Variants in OSBPL5 observed in about 807,000 individuals in gnomAD.
OSBPL5 encodes oxysterol-binding protein-related protein 5.
Under a neutral mutation model 111.2 loss-of-function variants are expected in OSBPL5, and 71 were observed. That is an observed-to-expected ratio of 0.64 (90% CI 0.53 to 0.78). The LOEUF is 0.78. Ranked by LOEUF, OSBPL5 falls within the 30% of genes least tolerant of loss-of-function variation. The probability of loss-of-function intolerance (pLI) is 0.00; values close to 1 mark genes in which losing one functional copy is unlikely to be tolerated. For missense variants in OSBPL5, 1,210 were observed against 1,189.3 expected (o/e 1.02, Z -0.26); for synonymous variants, 549 against 513.9 (o/e 1.07, Z -0.93).
chr11:3,122,015 G>A lies in OSBPL5; in HGVS notation c.384C>T (p.Ile128=). The change falls in exon 5 of 22, where the codon ATC becomes ATT. Residue 128 remains isoleucine (I), a synonymous_variant. Transcript: ENST00000263650. ...LSALTDPSVV[I]MADSLKIRGT... ...CACCTACCTTCAGGCTGTCAGCCAT[G>A]ATGACCACGCTGGGGTCTGTCAGAG... The A allele has an allele frequency of 6.4e-7, 1 of 1,574,040 alleles. No homozygotes were observed. The highest frequency in any genetic ancestry group is 8.6e-7 in the Non-Finnish European group (1 of 1,163,960).
chr11:3,114,591 ATTTTTTTTT>A (rs59645003), intron 7 of OSBPL5, among the ~76,000 whole-genome samples: 2 of 113,904 alleles, frequency 1.8e-5, no homozygotes, highest in East Asian at 2.5e-4. Flanking sequence ...TAGAACAATG[ATTTTTTTTT>A]TTTTTTTTTT....
At chr11:3,103,151 G>A (rs550911434) in intron 11 of OSBPL5, 88 bp downstream of exon 11, 36 of 1,185,950 alleles carry the variant, frequency 3.0e-5, no homozygotes, top group African/African-American at 1.1e-4. Flanking sequence ...GGGGTGGCCC[G>A]GGGACTCAGG....
chr11:3,117,263 G>A (rs1858245179), intron 7 of OSBPL5, among the ~76,000 whole-genome samples: 1 of 152,204 alleles, frequency 6.6e-6, no homozygotes, highest in South Asian at 2.1e-4. Flanking sequence ...CATCTACACA[G>A]TCCCTGTACA....
At chr11:3,102,137 C>T (rs1379029573) in intron 12 of OSBPL5, 46 bp downstream of exon 12, 2 of 1,547,300 alleles carry the variant, frequency 1.3e-6, no homozygotes, top group African/African-American at 1.4e-5. Context: ...GAGCCCCGCC[C>T]CATAGAGCCC....
At position 3,154,402 on chromosome 11, in the gene OSBPL5, A is replaced by G. The variant is rs1344681046; in HGVS notation, c.-22+10814T>C. Among the ~76,000 whole-genome samples the G allele has an allele frequency of 6.6e-6, 1 of 152,196 alleles. No homozygotes were observed. The highest frequency in any genetic ancestry group is 2.4e-5 in the African/African-American group (1 of 41,450). Reference sequence around the variant, plus strand: ...GACGGCGTGTGGCACAGGCGGGGTGAGCCCGGAAGGGTGAGCATGCGCCTG... The same window carrying G: ...GACGGCGTGTGGCACAGGCGGGGTGGGCCCGGAAGGGTGAGCATGCGCCTG... On this transcript the variant is annotated intron_variant, in intron 1 of 21. Transcript: ENST00000263650. The surrounding 1 kb of genome is among the most constrained non-coding windows in gnomAD (Gnocchi z 4.9).
intron 14 of OSBPL5, among the ~76,000 whole-genome samples, chr11:3,099,566 G>T (rs533425158): frequency 3.3e-5 from 5 of 152,240 alleles, no homozygotes; most frequent in African/African-American, 9.6e-5. Flanking sequence ...AAATAAAAAA[G>T]AAATCCAAAC....
At chr11:3,160,088 C>T (rs1401952388) in intron 1 of OSBPL5, among the ~76,000 whole-genome samples, 1 of 152,108 alleles carries the variant, frequency 6.6e-6, no homozygotes, top group Non-Finnish European at 1.5e-5. Flanking sequence ...CATGCCCCAC[C>T]CTGGTGCCTG....
chr11:3,133,897 C>A (rs866765222), intron 1 of OSBPL5, among the ~76,000 whole-genome samples: 1 of 152,234 alleles, frequency 6.6e-6, no homozygotes. Context: ...CCCGAGACCC[C>A]AAGGTCCCCT....
chr11:3,138,189 A>C (rs1846002408), intron 1 of OSBPL5, among the ~76,000 whole-genome samples: 1 of 152,158 alleles, frequency 6.6e-6, no homozygotes. Flanking sequence ...GGCTCAGAGC[A>C]GCTACTGGGT....
chr11:3,163,006 C>T (rs1487784044), intron 1 of OSBPL5, among the ~76,000 whole-genome samples: 1 of 152,116 alleles, frequency 6.6e-6, no homozygotes, highest in Non-Finnish European at 1.5e-5. Flanking sequence ...GGAGCTGCAC[C>T]TAACGGCTCC....
intron 3 of OSBPL5, 42 bp from the exon 4 acceptor site, chr11:3,122,470 C>G: frequency 6.3e-7 from 1 of 1,589,230 alleles, no homozygotes; most frequent in Non-Finnish European, 8.6e-7. Context: ...GCACAGGGGC[C>G]GGCCCAGGGC....
At chr11:3,163,950 C>T (rs1285481114) in intron 1 of OSBPL5, 1 of 152,286 alleles carries the variant, frequency 6.6e-6, no homozygotes, top group Non-Finnish European at 1.5e-5. Flanking sequence ...CTGGCAGGTT[C>T]AAGGAACAGC....
At chr11:3,103,744 AACCCTCTTCCAGCTCTGCAG>A (rs1291852753) in intron 10 of OSBPL5, among the ~76,000 whole-genome samples, 113 of 46,302 alleles carry the variant, frequency 2.4e-3, no homozygotes, top group Middle Eastern at 0.024. Context: ...CTGCCTCTGC[AACCCTCTTCCAGCTCTGCAG>A]CCCCCTTCCA....
intron 14 of OSBPL5, among the ~76,000 whole-genome samples, chr11:3,096,356 C>A (rs372927570): frequency 6.6e-6 from 1 of 152,142 alleles, no homozygotes; most frequent in African/African-American, 2.4e-5. Context: ...TGGGGGCTCA[C>A]GCCTGTAATC....
rs574429686 is a variant in OSBPL5 at position 3,103,296 on chromosome 11, G to A, written c.1269C>T (p.Tyr423=). The A allele has an allele frequency of 1.4e-5, 23 of 1,608,048 alleles. No individual in the cohort carries two copies. The African/African-American group carries it at 2.7e-4, about 19-fold the overall frequency. ...LSRAAVEEDA[Y]SRMKLVLRWY... Reference sequence around the variant, plus strand: ...ACCGCAGCACCAGCTTCATGCGGCTGTAGGCATCCTCCTCCACCGCAGCCC... The same window carrying A: ...ACCGCAGCACCAGCTTCATGCGGCTATAGGCATCCTCCTCCACCGCAGCCC... The change falls in exon 11 of 22, where the codon TAC becomes TAT. Residue 423 remains tyrosine (Y), a synonymous_variant. Transcript: ENST00000263650.
intron 7 of OSBPL5, among the ~76,000 whole-genome samples, chr11:3,116,629 C>T (rs569949422): frequency 3.2e-4 from 48 of 152,094 alleles, no homozygotes; most frequent in Middle Eastern, 3.4e-3. Context: ...CCATGGTGGG[C>T]GGATCACTTG....
intron 1 of OSBPL5, among the ~76,000 whole-genome samples, chr11:3,148,508 G>A (rs1176964467): frequency 2.6e-5 from 4 of 152,248 alleles, no homozygotes; most frequent in African/African-American, 9.6e-5. Context: ...AGGTGAGTGC[G>A]GAGTCTCTTT....
At chr11:3,125,302 C>T (rs1858573927) in intron 3 of OSBPL5, among the ~76,000 whole-genome samples, 1 of 152,180 alleles carries the variant, frequency 6.6e-6, no homozygotes, top group Admixed American at 6.5e-5. Flanking sequence ...GGATAAGGAC[C>T]TAGTATCCAA....
At chr11:3,120,098 C>G (rs528832524) in intron 6 of OSBPL5, 3 of 486,210 alleles carry the variant, frequency 6.2e-6, no homozygotes, top group Non-Finnish European at 1.1e-5. Flanking sequence ...AGGGCAGCCC[C>G]GGGTTAGGAG....
Sources: allele counts gnomAD v4.1 joint callset (sites outside exome capture counted in the v4.1 genomes callset), GRCh38; gene constraint gnomAD v4.1.1; non-coding constraint Gnocchi (gnomAD v3.1); transcripts MANE v1.5; gene names NCBI Gene and HGNC (gene_info 2026-07-23, HGNC 2026-07-21).